Variants in ZNF180 observed in about 807,000 individuals in gnomAD.
ZNF180 encodes the protein zinc finger protein 180 (HHZ168).
A neutral mutation model predicts 11.8 loss-of-function variants in ZNF180; 11 were observed. The observed-to-expected ratio is 0.93, with a 90% CI of 0.59 to 1.55. The LOEUF is 1.55. Ranked by LOEUF, ZNF180 falls within the 40% of genes most tolerant of loss-of-function variation. The probability of loss-of-function intolerance (pLI) is 0.00; values close to 1 mark genes in which losing one functional copy is unlikely to be tolerated. For missense variants in ZNF180, 773 were observed against 781.7 expected (o/e 0.99, Z 0.13); for synonymous variants, 287 against 257.7 (o/e 1.11, Z -1.09).
chr19:44,475,689 C>G lies in ZNF180; in HGVS notation c.*713G>C, dbSNP rs906684078. On this transcript the variant is annotated 3_prime_UTR_variant, in exon 5 of 5. Coordinates refer to ENST00000592529, the MANE Select transcript of ZNF180 (RefSeq NM_001278509.3). ...CATTATATCATTTATCATAGCATAA[C>G]AGCGTACATTCCAAAAAGGAAGGCC... The G allele has an allele frequency of 3.9e-5, 6 of 152,180 alleles. No individual in the cohort carries two copies. The highest frequency in any genetic ancestry group is 1.2e-4 in the African/African-American group (5 of 41,432). 9.4% of individuals were successfully genotyped at this position (152,180 alleles called of 1,614,324 possible). A position where few individuals can be genotyped will look rare whatever the true frequency, so the allele number is the denominator to read the frequency against.
rs375049667 is a variant in ZNF180, at chr19:44,476,445, T to C, written c.1955A>G (p.His652Arg). 1.1e-5 allele frequency: 18 copies of C among 1,609,538 alleles called. No homozygotes were observed. The highest frequency in any genetic ancestry group is 5.3e-5 in the African/African-American group (4 of 74,798). Reference protein sequence around the residue: ...AFINSYKLIRHQATHTEEKLY... With the variant: ...AFINSYKLIRRQATHTEEKLY... ...TTTCTCTTCAGTATGAGTTGCCTGATGCCTAATAAGTTTATAGCTATTAAT... is the reference window on the plus strand; with the variant it reads ...TTTCTCTTCAGTATGAGTTGCCTGACGCCTAATAAGTTTATAGCTATTAAT... The change falls in exon 5 of 5, where the codon CAT becomes CGT. Residue 652 changes from histidine (H) to arginine (R), a missense_variant. His to Arg is a conservative substitution (Grantham distance 29). Transcript: ENST00000592529.
At chr19:44,481,487 T>C (rs1970079339) in intron 3 of ZNF180, among the ~76,000 whole-genome samples, 1 of 152,212 alleles carries the variant, frequency 6.6e-6, no homozygotes, top group Non-Finnish European at 1.5e-5. Flanking sequence ...CTGTGTAATA[T>C]AGGTCTCTTT....
At chr19:44,499,961 C>T (rs958011435) in intron 1 of ZNF180, among the ~76,000 whole-genome samples, 5 of 152,170 alleles carry the variant, frequency 3.3e-5, no homozygotes, top group African/African-American at 1.2e-4. Flanking sequence ...CTAAATAAGC[C>T]CGGCATTGGA....
In ZNF180 at chr19:44,476,828, ACATT is replaced by A; in HGVS notation, c.1568_1571del (p.Glu523ValfsTer94). 6.2e-7 allele frequency: 1 copy of A among 1,614,134 alleles called. No individual in the cohort carries two copies. Among genetic ancestry groups the A allele is most frequent in the Non-Finnish European group, 8.5e-7 (1 of 1,180,020 alleles). Reference sequence around the variant, plus strand: ...GGTTAAAAGATTTTCCACATTCACTACATTCATACGGTTTCTCTCCAGTGTGAGT... The same window carrying A: ...GGTTAAAAGATTTTCCACATTCACTACATACGGTTTCTCTCCAGTGTGAGT... On this transcript the variant is annotated frameshift_variant, in exon 5 of 5. Coordinates refer to ENST00000592529, the MANE Select transcript of ZNF180 (RefSeq NM_001278509.3). LOFTEE classifies it low-confidence loss of function (END_TRUNC).
intron 2 of ZNF180, 76 bp from the exon 3 acceptor site, chr19:44,484,511 T>G (rs1251047775): frequency 9.8e-7 from 1 of 1,018,694 alleles, no homozygotes; most frequent in Non-Finnish European, 1.5e-6. Context: ...CTCCGGTCAG[T>G]GGGCTAAGAT....
intron 2 of ZNF180, among the ~76,000 whole-genome samples, chr19:44,492,805 A>G (rs954838806): frequency 1.3e-5 from 2 of 152,166 alleles, no homozygotes; most frequent in Non-Finnish European, 2.9e-5. Context: ...GAAACCCTCT[A>G]TATCTGTGAG....
intron 1 of ZNF180, among the ~76,000 whole-genome samples, chr19:44,499,389 A>G (rs1433234475): frequency 6.6e-6 from 1 of 152,234 alleles, no homozygotes; most frequent in East Asian, 1.9e-4. Flanking sequence ...CACCTGCTTC[A>G]TAACGATGCT....
At chr19:44,478,885 C>T (rs1970003433) in intron 4 of ZNF180, among the ~76,000 whole-genome samples, 1 of 152,116 alleles carries the variant, frequency 6.6e-6, no homozygotes, top group Admixed American at 6.5e-5. Context: ...CTGTAATGAC[C>T]CCTATGTGTC....
chr19:44,490,798 G>C (rs1970431195), intron 2 of ZNF180, among the ~76,000 whole-genome samples: 1 of 152,196 alleles, frequency 6.6e-6, no homozygotes, highest in Non-Finnish European at 1.5e-5. Context: ...GAATATGGTT[G>C]CACCTCCTCT....
At chr19:44,499,977 G>A (rs1053670873) in intron 1 of ZNF180, among the ~76,000 whole-genome samples, 1 of 152,154 alleles carries the variant, frequency 6.6e-6, no homozygotes, top group African/African-American at 2.4e-5. Context: ...TTGGAGGAGG[G>A]GAGTTCTCAA....
intron 2 of ZNF180, among the ~76,000 whole-genome samples, chr19:44,489,091 C>T (rs984667705): frequency 1.5e-4 from 20 of 136,248 alleles, no homozygotes; most frequent in Middle Eastern, 3.8e-3. Context: ...CCGCCCCGTC[C>T]GGGAGGGAGG....
chr19:44,479,520 T>G, intron 3 of ZNF180, 111 bp from the exon 4 acceptor site: 1 of 1,458,738 alleles, frequency 6.9e-7, no homozygotes, highest in Non-Finnish European at 9.4e-7. Flanking sequence ...CTGGGAGTTG[T>G]CCTTAAATTG....
chr19:44,482,289 C>A (rs1450475324), intron 3 of ZNF180, among the ~76,000 whole-genome samples: 1 of 152,190 alleles, frequency 6.6e-6, no homozygotes, highest in Non-Finnish European at 1.5e-5. Context: ...GCCTGGGTAA[C>A]TGGAGTGAGA....
At chr19:44,482,487 C>T (rs1970109230) in intron 3 of ZNF180, among the ~76,000 whole-genome samples, 1 of 152,098 alleles carries the variant, frequency 6.6e-6, no homozygotes, top group Admixed American at 6.6e-5. Context: ...AGAAGGAGTG[C>T]ATGTCCTCCC....
chr19:44,484,656 A>T (rs528112634), intron 2 of ZNF180: 5 of 568,532 alleles, frequency 8.8e-6, no homozygotes, highest in Non-Finnish European at 1.6e-5. Context: ...ATACCTGGAC[A>T]TGAGGTCTTT....
chr19:44,482,473 T>C lies in ZNF180; in HGVS notation c.126+1888A>G, dbSNP rs567405905. On this transcript the variant is annotated intron_variant, in intron 3 of 4. Coordinates refer to ENST00000592529, the MANE Select transcript of ZNF180 (RefSeq NM_001278509.3). ...TACTCTCCCATCCTAGATCTCAGCATCAAAGAAGGAGTGCATGTCCTCCCA... is the reference window on the plus strand; with the variant it reads ...TACTCTCCCATCCTAGATCTCAGCACCAAAGAAGGAGTGCATGTCCTCCCA... Among the ~76,000 whole-genome samples, 8 of 152,214 alleles carry C rather than the reference T, an allele frequency of 5.3e-5. No homozygotes were observed. In the East Asian group the frequency reaches 9.7e-4, roughly 18 times the overall value.
intron 1 of ZNF180, among the ~76,000 whole-genome samples, chr19:44,499,072 C>A (rs529341782): frequency 4.2e-4 from 64 of 152,260 alleles, no homozygotes; most frequent in Non-Finnish European, 7.9e-4. Flanking sequence ...TGTGTAGGTT[C>A]TGGGGTCAAC....
At chr19:44,480,845 T>C (rs1442530890) in intron 3 of ZNF180, among the ~76,000 whole-genome samples, 1 of 152,186 alleles carries the variant, frequency 6.6e-6, no homozygotes, top group African/African-American at 2.4e-5. Flanking sequence ...CCTTCCAATT[T>C]TGGACAATTT....
At chr19:44,500,006 T>A (rs191250052) in intron 1 of ZNF180, among the ~76,000 whole-genome samples, 14 of 152,264 alleles carry the variant, frequency 9.2e-5, no homozygotes, top group Admixed American at 2.6e-4. Flanking sequence ...CTTACATCAA[T>A]GCATGTGCCC....
Sources: allele counts gnomAD v4.1 joint callset (sites outside exome capture counted in the v4.1 genomes callset), GRCh38; gene constraint gnomAD v4.1.1; transcripts MANE v1.5; gene names NCBI Gene and HGNC (gene_info 2026-07-23, HGNC 2026-07-21).